Variants in PRKACB observed in about 807,000 individuals in gnomAD.
The protein encoded by PRKACB is protein kinase cAMP-activated catalytic subunit beta, also known as cAMP-dependent protein kinase catalytic subunit beta.
Under a neutral mutation model 51.4 loss-of-function variants are expected in PRKACB, and 16 were observed. The ratio of observed to expected loss-of-function variants is 0.31; its 90% CI spans 0.21 to 0.47. The LOEUF (loss-of-function observed/expected upper bound fraction) is 0.47. Among genes scored for constraint, PRKACB ranks in the 20% least tolerant of loss-of-function variants. PRKACB has a pLI of 1.00. For missense variants in PRKACB, 309 were observed against 464.5 expected (o/e 0.67, Z 3.08); for synonymous variants, 147 against 154.4 (o/e 0.95, Z 0.35).
intron 1 of PRKACB, among the ~76,000 whole-genome samples, chr1:84,177,742 A>T (rs374694610): frequency 1.3e-5 from 2 of 152,106 alleles, no homozygotes; most frequent in East Asian, 1.9e-4. Context: ...ACCCAGTCTT[A>T]AAAAAAGTAA....
chr1:84,141,535 A>T (rs1198405767), upstream of PRKACB, among the ~76,000 whole-genome samples: 2 of 152,104 alleles, frequency 1.3e-5, no homozygotes, highest in Non-Finnish European at 2.9e-5. Flanking sequence ...AAATTGAAAC[A>T]ATTTTATTTT....
chr1:84,105,257 G>A (rs925860197), intron 1 of PRKACB, among the ~76,000 whole-genome samples: 6 of 151,856 alleles, frequency 4.0e-5, no homozygotes, highest in African/African-American at 9.7e-5. Flanking sequence ...ATACAACTGC[G>A]GTCACTCCTC....
chr1:84,197,438 T>C (rs1668525410), intron 6 of PRKACB, among the ~76,000 whole-genome samples: 2 of 152,160 alleles, frequency 1.3e-5, no homozygotes. Context: ...TTTTTACCTT[T>C]TATTTTCACT....
intron 1 of PRKACB, among the ~76,000 whole-genome samples, chr1:84,083,823 T>C (rs1461188024): frequency 6.6e-6 from 1 of 152,138 alleles, no homozygotes; most frequent in Non-Finnish European, 1.5e-5. Flanking sequence ...TTAATCTTAC[T>C]TTTAAATGTA....
intron 9 of PRKACB, among the ~76,000 whole-genome samples, chr1:84,218,162 T>A (rs1196443805): frequency 6.6e-6 from 1 of 152,218 alleles, no homozygotes; most frequent in Non-Finnish European, 1.5e-5. Context: ...CATTTCAAAT[T>A]TTCTGTTCCA....
At chr1:84,161,128 T>G (rs1213951010) in intron 1 of PRKACB, among the ~76,000 whole-genome samples, 1 of 151,894 alleles carries the variant, frequency 6.6e-6, no homozygotes, top group Non-Finnish European at 1.5e-5. Context: ...CGTTTTTATT[T>G]TAGTACTGTG....
rs1360238717 is a variant in PRKACB, at chr1:84,196,730, A to G, written c.675A>G (p.Gln225=). 6.2e-7 allele frequency: 1 copy of G among 1,612,480 alleles called. No individual in the cohort carries two copies. The highest frequency in any genetic ancestry group is 1.3e-5 in the African/African-American group (1 of 74,858). ...CTGAAAATCTCTTAATTGACCATCAAGGCTATATCCAGGTATGACTTTAAC... is the reference window on the plus strand; with the variant it reads ...CTGAAAATCTCTTAATTGACCATCAGGGCTATATCCAGGTATGACTTTAAC... ...LKPENLLIDH[Q]GYIQVTDFGF... The change falls in exon 6 of 10, where the codon CAA becomes CAG. Residue 225 remains glutamine (Q), a synonymous_variant. Transcript: ENST00000370685.
rs1210279568 is a variant in PRKACB, at chr1:84,126,636, G to C, written c.46+48265G>C. Among the ~76,000 whole-genome samples, 3 of 152,132 alleles carry C rather than the reference G, an allele frequency of 2.0e-5. No individual in the cohort carries two copies. In the East Asian group the frequency reaches 5.8e-4, roughly 29 times the overall value. ...ATGCATGTTCTCACTTTGGACTGCA[G>C]GTCCAGGCTTGAGAGTGTGGCCCTC... is the stretch of plus-strand genomic sequence containing the variant. On this transcript the variant is annotated intron_variant, in intron 1 of 8. Transcript: ENST00000370688.
intron 1 of PRKACB, among the ~76,000 whole-genome samples, chr1:84,146,928 C>T (rs1231734227): frequency 4.6e-5 from 7 of 151,984 alleles, no homozygotes; most frequent in Non-Finnish European, 1.0e-4. Flanking sequence ...ATTGCATGCA[C>T]ATATAAATAC....
At chr1:84,215,723 T>G (rs1045822360) in intron 9 of PRKACB, among the ~76,000 whole-genome samples, 3 of 152,220 alleles carry the variant, frequency 2.0e-5, no homozygotes, top group African/African-American at 7.2e-5. Context: ...TATTAATTGA[T>G]AGCAGTTATC....
chr1:84,181,284 C>T (rs1663372004), intron 2 of PRKACB, among the ~76,000 whole-genome samples: 1 of 152,008 alleles, frequency 6.6e-6, no homozygotes, highest in Admixed American at 6.6e-5. Context: ...ACACTACATA[C>T]TGGGCCTTCA....
chr1:84,233,286 G>A (rs1331129735), intron 9 of PRKACB, among the ~76,000 whole-genome samples: 1 of 151,992 alleles, frequency 6.6e-6, no homozygotes, highest in Non-Finnish European at 1.5e-5. Flanking sequence ...GAGATCCGCT[G>A]TTAGTCTGAT....
At chr1:84,107,796 A>C (rs1397620093) in intron 1 of PRKACB, among the ~76,000 whole-genome samples, 1 of 152,100 alleles carries the variant, frequency 6.6e-6, no homozygotes, top group African/African-American at 2.4e-5. Flanking sequence ...ACCATCTCAC[A>C]CCAGTCAGAA....
chr1:84,156,495 T>G (rs2100671923), intron 1 of PRKACB, among the ~76,000 whole-genome samples: 1 of 152,280 alleles, frequency 6.6e-6, no homozygotes, highest in African/African-American at 2.4e-5. Flanking sequence ...TTTCATTTCC[T>G]TAATTTATAC....
At position 84,086,171 on chromosome 1, in the gene PRKACB, A is replaced by G. The variant is rs1004764733; in HGVS notation, c.46+7800A>G. 27 of 1,598,686 alleles carry G rather than the reference A, an allele frequency of 1.7e-5. No homozygotes were observed. The South Asian group carries it at 2.8e-4, about 16-fold the overall frequency. The stretch of plus-strand genomic sequence containing the variant: ...CATGAAGAATGGGGATGTGGTGGAC[A>G]AGTTTGTGGGCATCAAAGATGAGGA... On this transcript the variant is annotated intron_variant, in intron 1 of 8. Transcript: ENST00000370688.
At chr1:84,110,751 C>G (rs1019771520) in intron 1 of PRKACB, among the ~76,000 whole-genome samples, 3 of 151,946 alleles carry the variant, frequency 2.0e-5, no homozygotes, top group Non-Finnish European at 4.4e-5. Flanking sequence ...CAACATATAT[C>G]TCTTCTGTGC....
At chr1:84,083,197 A>G (rs1381520722) in intron 1 of PRKACB, among the ~76,000 whole-genome samples, 5 of 152,192 alleles carry the variant, frequency 3.3e-5, no homozygotes, top group Non-Finnish European at 5.9e-5. Context: ...TCAGTAGCAG[A>G]TATTTGTTCC....
At chr1:84,119,040 A>C (rs954304251) in intron 1 of PRKACB, among the ~76,000 whole-genome samples, 4 of 152,168 alleles carry the variant, frequency 2.6e-5, no homozygotes, top group African/African-American at 9.7e-5. Flanking sequence ...GCATTTAGGC[A>C]TTGCAGTATC....
intron 1 of PRKACB, among the ~76,000 whole-genome samples, chr1:84,137,132 C>T (rs1302489208): frequency 6.6e-6 from 1 of 152,134 alleles, no homozygotes; most frequent in Admixed American, 6.6e-5. Context: ...AATCAAACCC[C>T]TTTCCTTTAT....
Sources: gnomAD v4.1 joint callset for allele counts (sites outside exome capture counted in the v4.1 genomes callset) on GRCh38, gnomAD v4.1.1 for gene constraint, MANE v1.5 for transcripts, NCBI Gene and HGNC (gene_info 2026-07-23, HGNC 2026-07-21) for gene names.